The following UBE3D variants were observed in gnomAD, a reference collection of about 807,000 sequenced individuals.
UBE3D encodes the protein ubiquitin protein ligase E3D.
UBE3D carries 48 observed loss-of-function variants against 49.6 expected under a neutral mutation model. The ratio of observed to expected loss-of-function variants is 0.97; its 90% CI spans 0.77 to 1.23. UBE3D has a LOEUF of 1.23. Ranked by LOEUF, UBE3D falls within the 50% of genes most tolerant of loss-of-function variation. UBE3D has a pLI of 0.00. For synonymous variants in UBE3D, 189 were observed against 174.2 expected, an observed-to-expected ratio of 1.08 and a Z score of -0.67; for missense variants, 452 against 468.4, an observed-to-expected ratio of 0.96 and a Z score of 0.32.
At chr6:82,996,999 A>C (rs1373309083) in intron 8 of UBE3D, among the ~76,000 whole-genome samples, 1 of 150,454 alleles carries the variant, frequency 6.6e-6, no homozygotes, top group East Asian at 2.0e-4. Context: ...ATGTCATGAT[A>C]ATATTATCAT....
At chr6:82,929,671 A>G (rs1356583876) in intron 9 of UBE3D, among the ~76,000 whole-genome samples, 1 of 151,916 alleles carries the variant, frequency 6.6e-6, no homozygotes, top group East Asian at 1.9e-4. Flanking sequence ...TCTTCATCCA[A>G]TTGCTAAAAA....
In UBE3D at chr6:83,022,542, C is replaced by T. The variant is rs751013926; in HGVS notation, c.757G>A (p.Val253Met). The T allele has an allele frequency of 2.4e-5, 39 of 1,595,440 alleles. No individual in the cohort carries two copies. The highest frequency in any genetic ancestry group is 5.4e-5 in the Admixed American group (3 of 55,674). The change falls in exon 7 of 10, where the codon GTG becomes ATG. Residue 253 changes from valine to methionine, a missense_variant. By Grantham distance (21) the Val-to-Met change is conservative (BLOSUM62 1). Transcript: ENST00000369747. ...AGCTGCACCAGACACTGGGCGATCA[C>T]GCTCTGGACAAACCAAGACCTGTTT... The part of the protein sequence containing the change: ...IIPRSWFVQS[V>M]IAQCLVQLSS...
At chr6:82,951,204 T>A (rs1343501645) in intron 9 of UBE3D, among the ~76,000 whole-genome samples, 4 of 152,208 alleles carry the variant, frequency 2.6e-5, no homozygotes, top group Admixed American at 2.6e-4. Context: ...TATCAAAATA[T>A]CTCATGTAAC....
intron 7 of UBE3D, among the ~76,000 whole-genome samples, chr6:83,019,425 G>C (rs1049596083): frequency 1.3e-5 from 2 of 150,976 alleles, no homozygotes; most frequent in African/African-American, 4.9e-5. Context: ...AACAGCCCAA[G>C]AGAAATACAG....
chr6:82,962,814 C>G lies in UBE3D; in HGVS notation c.1011-5364G>C, dbSNP rs186488549. On this transcript the variant is annotated intron_variant, in intron 8 of 9. Transcript: ENST00000369747. ...TATATTAGGCATTATTTAATTCCAC[C>G]CAAAGAGATTAAAAACCCCAAAGGC... Among the ~76,000 whole-genome samples, 110 of 152,160 alleles carry G rather than the reference C, an allele frequency of 7.2e-4. 1 individual carries two copies. The highest frequency in any genetic ancestry group is 2.6e-3 in the African/African-American group (106 of 41,522).
chr6:82,933,762 C>G (rs1356817654), intron 9 of UBE3D, among the ~76,000 whole-genome samples: 1 of 152,152 alleles, frequency 6.6e-6, no homozygotes, highest in Non-Finnish European at 1.5e-5. Context: ...TCTTTGCCTT[C>G]TTCAAATATC....
chr6:82,921,055 A>G (rs1342758348), intron 9 of UBE3D, among the ~76,000 whole-genome samples: 2 of 151,528 alleles, frequency 1.3e-5, no homozygotes, highest in African/African-American at 4.9e-5. Context: ...GCCAGGGTGC[A>G]AGTGATCCTC....
chr6:83,039,929 C>G (rs773246530), intron 4 of UBE3D, among the ~76,000 whole-genome samples: 1 of 152,114 alleles, frequency 6.6e-6, no homozygotes, highest in Non-Finnish European at 1.5e-5. Context: ...CGTGAGCCAC[C>G]ACACCAGGCC....
chr6:82,964,371 T>A (rs947275686), intron 8 of UBE3D, among the ~76,000 whole-genome samples: 1 of 152,130 alleles, frequency 6.6e-6, no homozygotes, highest in Non-Finnish European at 1.5e-5. Flanking sequence ...AGAAATGATA[T>A]AACAACTCTA....
At position 83,044,445 on chromosome 6, in the gene UBE3D, C is replaced by T. The variant is rs184805529; in HGVS notation, c.580G>A (p.Asp194Asn). 6.2e-7 allele frequency: 1 copy of T among 1,613,988 alleles called. No individual in the cohort carries two copies. Among genetic ancestry groups the T allele is most frequent in the Admixed American group, 1.7e-5 (1 of 60,012 alleles). Residue 194 changes from aspartate (D) to asparagine (N), a missense_variant, in exon 4 of 10, where the codon GAC becomes AAC. By Grantham distance (23) the Asp-to-Asn change is conservative. Coordinates refer to ENST00000369747, the MANE Select transcript of UBE3D (RefSeq NM_198920.3). ...TATTTTACCAATTTACAATGGTTGT[C>T]AGAAGAAACACAGCACATCTCCACT... is the stretch of plus-strand genomic sequence containing the variant. ...SPVEMCCVSS[D>N]NHCKLEPKAN...
Position 82,975,101 on chromosome 6 carries a change from A to AT in UBE3D, c.1011-17652dup, listed in dbSNP as rs560613412. 1.2e-3 allele frequency among the ~76,000 whole-genome samples: 180 copies of AT among 152,254 alleles called. 1 individual carries two copies. The highest frequency in any genetic ancestry group is 4.2e-3 in the African/African-American group (174 of 41,572). On this transcript the variant is annotated intron_variant, in intron 8 of 9. Coordinates refer to ENST00000369747, the MANE Select transcript of UBE3D (RefSeq NM_198920.3). The stretch of plus-strand genomic sequence containing the variant: ...CTTTAGTTTAATAAGATAAACACAC[A>AT]TTTTTCAGTGAAAGCAGCAAAATTA...
At chr6:83,019,531 C>T (rs1780938213) in intron 7 of UBE3D, among the ~76,000 whole-genome samples, 1 of 152,068 alleles carries the variant, frequency 6.6e-6, no homozygotes, top group Admixed American at 6.5e-5. Context: ...TTTTGTGCCA[C>T]CATTTTTCAT....
rs143694735 is a variant in UBE3D at position 82,939,201 on chromosome 6, C to A, written c.1149+18111G>T. 3.3e-5 allele frequency among the ~76,000 whole-genome samples: 5 copies of A among 152,302 alleles called. No homozygotes were observed. The East Asian group carries it at 9.6e-4, about 29-fold the overall frequency. ...TAAGAGAAGGTGAGTGCTCTCAAAT[C>A]ACAAAGGCTGCCCAGAGCCTGCCAG... On this transcript the variant is annotated intron_variant, in intron 9 of 9. Transcript: ENST00000369747.
intron 9 of UBE3D, chr6:82,924,852 A>G (rs1310949274): frequency 2.0e-5 from 3 of 152,152 alleles, no homozygotes; most frequent in African/African-American, 7.2e-5. Flanking sequence ...TAAAAACTCT[A>G]TTAGAATCTT....
the UBE3D span, among the ~76,000 whole-genome samples, chr6:82,884,793 G>C: frequency 1.3e-5 from 2 of 152,180 alleles, no homozygotes; most frequent in Non-Finnish European, 2.9e-5. Context: ...TGGAAGGGAG[G>C]AGGACGGGTT....
At chr6:82,908,078 C>T (rs1446523795) in intron 9 of UBE3D, among the ~76,000 whole-genome samples, 2 of 151,134 alleles carry the variant, frequency 1.3e-5, no homozygotes, top group African/African-American at 2.4e-5. Flanking sequence ...AGTGGGAGGT[C>T]GAGACAAAAA....
chr6:83,043,756 G>A (rs757569695), intron 4 of UBE3D, among the ~76,000 whole-genome samples: 11 of 152,148 alleles, frequency 7.2e-5, no homozygotes, highest in Non-Finnish European at 1.2e-4. Context: ...TGTATTGACT[G>A]GCCATCAGTG....
At chr6:83,016,880 G>C (rs1780735535) in intron 8 of UBE3D, among the ~76,000 whole-genome samples, 1 of 152,058 alleles carries the variant, frequency 6.6e-6, no homozygotes, top group African/African-American at 2.4e-5. Context: ...TGTAGGCTGG[G>C]AGGCTAAGCC....
intron 8 of UBE3D, among the ~76,000 whole-genome samples, chr6:82,998,445 T>C (rs1779396499): frequency 1.3e-5 from 2 of 152,184 alleles, no homozygotes; most frequent in South Asian, 4.1e-4. Context: ...ATTACGCACC[T>C]TTTTCTTTAT....
Sources: gnomAD v4.1 joint callset for allele counts (sites outside exome capture counted in the v4.1 genomes callset) on GRCh38, gnomAD v4.1.1 for gene constraint, MANE v1.5 for transcripts, NCBI Gene and HGNC (gene_info 2026-07-23, HGNC 2026-07-21) for gene names.